Variants in CENPT observed in about 807,000 individuals in gnomAD.
CENPT encodes centromere protein T, also known as interphase centromere complex protein 22.
Under a neutral mutation model 59.7 loss-of-function variants are expected in CENPT, and 42 were observed. The observed-to-expected ratio is 0.70, with a 90% CI of 0.55 to 0.91. CENPT has a LOEUF of 0.91. Among genes scored for constraint, CENPT ranks in the 40% least tolerant of loss-of-function variants. The probability of loss-of-function intolerance (pLI) is 0.00; values close to 1 mark genes in which losing one functional copy is unlikely to be tolerated. For missense variants in CENPT, 716 were observed against 713.4 expected (o/e 1.00, Z -0.04); for synonymous variants, 295 against 289.6 (o/e 1.02, Z -0.19).
chr16:67,830,665 T>G, intron 10 of CENPT, 117 bp from the exon 11 acceptor site: 1 of 1,006,686 alleles, frequency 9.9e-7, no homozygotes, highest in Non-Finnish European at 1.5e-6. Context: ...GCCTGGACAG[T>G]GGGCTGCATG....
intron 10 of CENPT, 40 bp downstream of exon 10, chr16:67,831,176 A>C: frequency 5.0e-6 from 8 of 1,612,890 alleles, no homozygotes; most frequent in Non-Finnish European, 6.8e-6. Flanking sequence ...TAGCGGGGAG[A>C]GCTTTCCCCA....
chr16:67,829,347 G>A, intron 13 of CENPT, 76 bp downstream of exon 13: 2 of 1,183,780 alleles, frequency 1.7e-6, no homozygotes, highest in South Asian at 1.6e-5. Flanking sequence ...TAGGAAGGGG[G>A]AGGACCCTAT....
intron 13 of CENPT, chr16:67,829,055 C>G: frequency 1.8e-6 from 1 of 552,510 alleles, no homozygotes; most frequent in East Asian, 3.1e-5. Context: ...ACAGTCGACT[C>G]GACATCCTGG....
At chr16:67,846,676 T>TG (rs1411627908) in intron 1 of CENPT, 1 of 152,368 alleles carries the variant, frequency 6.6e-6, no homozygotes, top group African/African-American at 2.4e-5. Context: ...GCCCTGACCC[T>TG]AGCCTGGCGC....
chr16:67,839,524 C>A (rs1005883395), intron 1 of CENPT, among the ~76,000 whole-genome samples: 1 of 152,024 alleles, frequency 6.6e-6, no homozygotes, highest in Admixed American at 6.6e-5. Flanking sequence ...TGCACCACTA[C>A]ACGCCAGCCT....
At chr16:67,831,028 A>G (rs1037969787) in intron 10 of CENPT, 188 bp downstream of exon 10, 1 of 740,776 alleles carries the variant, frequency 1.3e-6, no homozygotes, top group African/African-American at 1.8e-5. Context: ...CCTGGGAGAC[A>G]CCGAGGGACC....
At position 67,832,529 on chromosome 16, in the gene CENPT, G is replaced by T. The variant is rs766300856; in HGVS notation, c.127C>A (p.Leu43Ile). The T allele has an allele frequency of 1.2e-6, 2 of 1,614,094 alleles. No homozygotes were observed. The highest frequency in any genetic ancestry group is 2.2e-5 in the South Asian group (2 of 91,086). ...SARAGARRAL[L>I]ETASPRKLSG... ...AACTTCCTGGGGGAAGCCGTTTCAA[G>T]CAGGGCTCTCCGGGCTCTGTGTAAA... The change falls in exon 5 of 16, where the codon CTT (leucine) becomes ATT (isoleucine). Residue 43 changes from leucine (L) to isoleucine (I), a missense_variant. Coordinates refer to ENST00000562787, the MANE Select transcript of CENPT (RefSeq NM_025082.4).
At chr16:67,836,418 A>C (rs2057735131) in intron 1 of CENPT, among the ~76,000 whole-genome samples, 1 of 150,688 alleles carries the variant, frequency 6.6e-6, no homozygotes, top group African/African-American at 2.5e-5. Context: ...ACTATTGAAT[A>C]ATATGGAAAA....
At chr16:67,840,098 C>T (rs892912093) in intron 1 of CENPT, among the ~76,000 whole-genome samples, 1 of 152,108 alleles carries the variant, frequency 6.6e-6, no homozygotes. Flanking sequence ...GGGCGGATCA[C>T]GAAGTCAGGA....
At position 67,830,056 on chromosome 16, in the gene CENPT, C is replaced by T. The variant is rs1460690695; in HGVS notation, c.895G>A (p.Glu299Lys). ...GCAAAGGCATTGACCTCCTCTGCCTCTCCTGCCAGAAACTGGGCTGGTTTC... is the reference window on the plus strand; with the variant it reads ...GCAAAGGCATTGACCTCCTCTGCCTTTCCTGCCAGAAACTGGGCTGGTTTC... The part of the protein sequence containing the change: ...PGKPAQFLAG[E>K]AEEVNAFALG... The change falls in exon 12 of 16, where the codon GAG (glutamate) becomes AAG (lysine). Residue 299 changes from glutamate (E) to lysine (K), a missense_variant. Transcript: ENST00000562787. The T allele has an allele frequency of 5.0e-6, 8 of 1,614,122 alleles. No homozygotes were observed. Among genetic ancestry groups the T allele is most frequent in the Non-Finnish European group, 6.8e-6 (8 of 1,180,040 alleles).
chr16:67,833,868 C>A lies in CENPT; in HGVS notation c.-9G>T, dbSNP rs1396168612. ...GGGTTGTGGTCAGCCATCGTCTCGG[C>A]CCCGGGCCCTCCTAACCGCCCAGCC... On this transcript the variant is annotated 5_prime_UTR_variant, in exon 4 of 16. Coordinates refer to ENST00000562787, the MANE Select transcript of CENPT (RefSeq NM_025082.4). 2 of 1,501,080 alleles carry A rather than the reference C, an allele frequency of 1.3e-6. No homozygotes were observed. The highest frequency in any genetic ancestry group is 8.9e-7 in the Non-Finnish European group (1 of 1,128,376). The allele number at this position is 1,501,080 out of a possible 1,614,324, so 93.0% of individuals were successfully genotyped here.
rs987466702 is a variant in CENPT, at chr16:67,835,231, G to C, written c.-301C>G. 9 of 152,172 alleles carry C rather than the reference G, an allele frequency of 5.9e-5. No homozygotes were observed. Among genetic ancestry groups the C allele is most frequent in the African/African-American group, 2.2e-4 (9 of 41,444 alleles). The allele number at this position is 152,172 out of a possible 1,614,324, so 9.4% of individuals were successfully genotyped here. A position where few individuals can be genotyped will look rare whatever the true frequency, so the allele number is the denominator to read the frequency against. ...CTGGTTGACAATCCTCTCACCTTAA[G>C]TTTTCATGGCAACTGAATTAGAACT... is the stretch of plus-strand genomic sequence containing the variant. On this transcript the variant is annotated 5_prime_UTR_variant, in exon 3 of 16. Coordinates refer to ENST00000562787, the MANE Select transcript of CENPT (RefSeq NM_025082.4).
chr16:67,838,547 G>A (rs1365043729), intron 1 of CENPT, among the ~76,000 whole-genome samples: 1 of 151,774 alleles, frequency 6.6e-6, no homozygotes, highest in Non-Finnish European at 1.5e-5. Flanking sequence ...GCTTGAACCC[G>A]GGAGATGGAG....
At chr16:67,840,361 T>C (rs6499143) in intron 1 of CENPT, among the ~76,000 whole-genome samples, 46,467 of 152,076 alleles carry the variant, frequency 0.31, 10,428 homozygotes, top group African/African-American at 0.64. Context: ...ATTAGGTTTC[T>C]ATTTCATGCC....
intron 1 of CENPT, among the ~76,000 whole-genome samples, chr16:67,840,648 C>G (rs1322497632): frequency 6.6e-6 from 1 of 151,928 alleles, no homozygotes; most frequent in Admixed American, 6.6e-5. Flanking sequence ...GGGCTTAATA[C>G]CTGGGTGATG....
chr16:67,846,513 G>C (rs2057799853), intron 1 of CENPT, among the ~76,000 whole-genome samples: 1 of 152,246 alleles, frequency 6.6e-6, no homozygotes, highest in Non-Finnish European at 1.5e-5. Context: ...CCCAAGGGGA[G>C]GGGGTTTCGT....
intron 1 of CENPT, among the ~76,000 whole-genome samples, chr16:67,840,839 C>T (rs2057756219): frequency 6.6e-6 from 1 of 151,716 alleles, no homozygotes; most frequent in Non-Finnish European, 1.5e-5. Flanking sequence ...TGGCTTTCCA[C>T]AACATTTTGT....
rs377516180 is a variant in CENPT, at chr16:67,842,920, A to ACAGCAGCAGCAGCAGCAGCAG, written c.-492+4460_-492+4480dup. ...AGCAGCAACAGCAGCAGCAGCAGCA[A>ACAGCAGCAGCAGCAGCAGCAG]CAGCAGCAGCAGCAGCAGCAGCAGC... On this transcript the variant is annotated intron_variant, in intron 1 of 15. Transcript: ENST00000562787. This position sits in a 1 kb window ranked among gnomAD's most constrained non-coding sequence, Gnocchi z 4.9. The ACAGCAGCAGCAGCAGCAGCAG allele has an allele frequency of 3.8e-6, 6 of 1,579,816 alleles. No homozygotes were observed. The highest frequency in any genetic ancestry group is 2.3e-5 in the East Asian group (1 of 43,940).
In CENPT at chr16:67,842,481, G is replaced by A; in HGVS notation, c.-492+4920C>T. On this transcript the variant is annotated intron_variant, in intron 1 of 15. Coordinates refer to ENST00000562787, the MANE Select transcript of CENPT (RefSeq NM_025082.4). The surrounding 1 kb of genome is among the most constrained non-coding windows in gnomAD (Gnocchi z 4.9). ...GCGCGGCGCCGCCCGTCGAGGGGCG[G>A]GCGGCGGCGTAGCCACTGGGCCGTC... 9.9e-6 allele frequency: 12 copies of A among 1,206,258 alleles called. No individual in the cohort carries two copies. The highest frequency in any genetic ancestry group is 1.3e-5 in the Non-Finnish European group (12 of 954,772). The allele number at this position is 1,206,258 out of a possible 1,614,324, so 74.7% of individuals were successfully genotyped here.
Sources: gnomAD v4.1 joint callset for allele counts (sites outside exome capture counted in the v4.1 genomes callset) on GRCh38, gnomAD v4.1.1 for gene constraint, Gnocchi (gnomAD v3.1) non-coding constraint, MANE v1.5 for transcripts, NCBI Gene and HGNC (gene_info 2026-07-23, HGNC 2026-07-21) for gene names.